KCNAB1: variants seen among roughly 807,000 people sequenced by gnomAD.
KCNAB1 encodes potassium voltage-gated channel subfamily A regulatory beta subunit 1.
A neutral mutation model predicts 64.6 loss-of-function variants in KCNAB1; 35 were observed. The ratio of observed to expected loss-of-function variants is 0.54; its 90% CI spans 0.41 to 0.72. The LOEUF is 0.72. KCNAB1 is among the 30% of genes least tolerant of loss of function. The pLI is 0.00. For missense variants in KCNAB1, 401 were observed against 512.9 expected (o/e 0.78, Z 2.11); for synonymous variants, 177 against 183.8 (o/e 0.96, Z 0.30).
chr3:156,347,516 T>C (rs1222100020), intron 1 of KCNAB1, among the ~76,000 whole-genome samples: 1 of 152,228 alleles, frequency 6.6e-6, no homozygotes, highest in African/African-American at 2.4e-5. Flanking sequence ...AGTTTGGACT[T>C]CTTCAGTTCC....
At chr3:156,469,507 C>T (rs2108309951) in intron 7 of KCNAB1, among the ~76,000 whole-genome samples, 1 of 152,056 alleles carries the variant, frequency 6.6e-6, no homozygotes, top group East Asian at 1.9e-4. Flanking sequence ...GATCTGCCTG[C>T]AAATAAGCAT....
chr3:156,344,927 A>G (rs965128889), intron 1 of KCNAB1, among the ~76,000 whole-genome samples: 4 of 152,202 alleles, frequency 2.6e-5, no homozygotes, highest in Non-Finnish European at 2.9e-5. Flanking sequence ...CAGAGTTCAC[A>G]TTCTAAATAG....
At chr3:156,290,401 A>AT (rs1720335233) in intron 1 of KCNAB1, among the ~76,000 whole-genome samples, 1 of 152,172 alleles carries the variant, frequency 6.6e-6, no homozygotes, top group Non-Finnish European at 1.5e-5. Context: ...TAGAAAGCTG[A>AT]TTTTGCAGAA....
chr3:156,163,788 T>C (rs1385360823), intron 1 of KCNAB1, among the ~76,000 whole-genome samples: 1 of 152,236 alleles, frequency 6.6e-6, no homozygotes, highest in Admixed American at 6.5e-5. Flanking sequence ...GCACTTTAAG[T>C]CAACTTTTAT....
intron 1 of KCNAB1, among the ~76,000 whole-genome samples, chr3:156,328,575 A>G (rs985620700): frequency 6.6e-6 from 1 of 152,134 alleles, no homozygotes; most frequent in African/African-American, 2.4e-5. Flanking sequence ...AAATACTACT[A>G]ATTATAAGAC....
At chr3:156,229,175 T>C (rs946727302) in intron 1 of KCNAB1, among the ~76,000 whole-genome samples, 1 of 152,246 alleles carries the variant, frequency 6.6e-6, no homozygotes, top group East Asian at 1.9e-4. Context: ...AAGAAATACC[T>C]GAGACTGAGT....
At chr3:156,171,313 T>C (rs1277832818) in intron 1 of KCNAB1, among the ~76,000 whole-genome samples, 1 of 152,038 alleles carries the variant, frequency 6.6e-6, no homozygotes, top group Admixed American at 6.6e-5. Flanking sequence ...TCTATATTGG[T>C]TTCTCTCTTC....
intron 1 of KCNAB1, among the ~76,000 whole-genome samples, chr3:156,208,167 T>C (rs1406679149): frequency 6.6e-6 from 1 of 152,138 alleles, no homozygotes; most frequent in African/African-American, 2.4e-5. Context: ...GGGACCAAAG[T>C]TTGGGAACTT....
intron 2 of KCNAB1, among the ~76,000 whole-genome samples, chr3:156,444,210 G>T (rs1381142373): frequency 1.3e-5 from 2 of 152,156 alleles, no homozygotes; most frequent in East Asian, 3.8e-4. Flanking sequence ...CCAGACATAG[G>T]TCTTCATGTA....
At chr3:156,345,425 A>G (rs992361571) in intron 1 of KCNAB1, among the ~76,000 whole-genome samples, 3 of 152,228 alleles carry the variant, frequency 2.0e-5, no homozygotes, top group South Asian at 2.1e-4. Flanking sequence ...GCTGGTATCT[A>G]TCTCCGAGGT....
intron 1 of KCNAB1, among the ~76,000 whole-genome samples, chr3:156,162,879 A>G (rs1457238902): frequency 6.6e-6 from 1 of 152,156 alleles, no homozygotes; most frequent in African/African-American, 2.4e-5. Flanking sequence ...TTGACTTGAC[A>G]CTTGTTTTGG....
At position 156,135,050 on chromosome 3, in the gene KCNAB1, G is replaced by C. The variant is rs186614390; in HGVS notation, c.275+14164G>C. Among the ~76,000 whole-genome samples, 406 of 151,662 alleles carry C rather than the reference G, an allele frequency of 2.7e-3. 1 individual carries two copies. The highest frequency in any genetic ancestry group is 9.0e-3 in the African/African-American group (373 of 41,322). On this transcript the variant is annotated intron_variant, in intron 1 of 13. Coordinates refer to ENST00000490337, the MANE Select transcript of KCNAB1 (RefSeq NM_172160.3). Reference sequence around the variant, plus strand: ...CTCACTCTGCTGCCCAGGCTGGAGTGCAGTGGCATAATCTCACCTGACTGC... The same window carrying C: ...CTCACTCTGCTGCCCAGGCTGGAGTCCAGTGGCATAATCTCACCTGACTGC...
chr3:156,260,269 A>G (rs1718355332), intron 1 of KCNAB1, among the ~76,000 whole-genome samples: 1 of 152,220 alleles, frequency 6.6e-6, no homozygotes, highest in African/African-American at 2.4e-5. Flanking sequence ...AAACAGTTTT[A>G]TTAAGGTATA....
chr3:156,480,784 A>G (rs1714736142), intron 8 of KCNAB1, among the ~76,000 whole-genome samples: 1 of 152,156 alleles, frequency 6.6e-6, no homozygotes. Flanking sequence ...TCAAGTGCTC[A>G]ATAGCCACAT....
chr3:156,171,194 T>C (rs7615962), intron 1 of KCNAB1, among the ~76,000 whole-genome samples: 90,662 of 147,438 alleles, frequency 0.61, 28,248 homozygotes, highest in East Asian at 0.93. Context: ...CACGCACACA[T>C]ACACACACAC....
chr3:156,502,997 A>G (rs1716551332), intron 8 of KCNAB1, among the ~76,000 whole-genome samples: 1 of 152,234 alleles, frequency 6.6e-6, no homozygotes, highest in Admixed American at 6.5e-5. Flanking sequence ...ATTAGAATTC[A>G]TTGCACTATT....
intron 1 of KCNAB1, among the ~76,000 whole-genome samples, chr3:156,375,278 A>C (rs1460219080): frequency 7.4e-6 from 1 of 135,408 alleles, no homozygotes; most frequent in African/African-American, 3.3e-5. Flanking sequence ...AAAAGGCCAC[A>C]GTCCTTCTTT....
intron 8 of KCNAB1, among the ~76,000 whole-genome samples, chr3:156,477,598 G>T (rs1307693294): frequency 1.3e-5 from 2 of 152,088 alleles, no homozygotes; most frequent in Non-Finnish European, 2.9e-5. Context: ...GATTGAAATA[G>T]CTTCCATGTG....
intron 8 of KCNAB1, among the ~76,000 whole-genome samples, chr3:156,502,008 A>G (rs902804768): frequency 9.2e-5 from 14 of 152,242 alleles, no homozygotes; most frequent in African/African-American, 3.1e-4. Context: ...AGCCCCCATG[A>G]TTCAATTACC....
Sources: allele counts gnomAD v4.1 joint callset (sites outside exome capture counted in the v4.1 genomes callset), GRCh38; gene constraint gnomAD v4.1.1; transcripts MANE v1.5; gene names NCBI Gene and HGNC (gene_info 2026-07-23, HGNC 2026-07-21).